The following SORL1 variants were observed in gnomAD, a reference collection of about 807,000 sequenced individuals.
SORL1 encodes sortilin related receptor 1.
SORL1 carries 127 observed loss-of-function variants against 273.7 expected under a neutral mutation model. That is an observed-to-expected ratio of 0.46 (90% CI 0.40 to 0.54). The LOEUF is 0.54. SORL1 is among the 20% of genes least tolerant of loss of function. SORL1 has a pLI of 0.00. For missense variants in SORL1, 2,494 were observed against 2,846.1 expected (o/e 0.88, Z 2.81); for synonymous variants, 1,031 against 1,067.4 (o/e 0.97, Z 0.66).
chr11:121,588,285 G>C (rs1329227106), intron 28 of SORL1, 134 bp downstream of exon 28: 3 of 872,474 alleles, frequency 3.4e-6, no homozygotes, highest in Non-Finnish European at 5.4e-6. Context: ...GACCACCCTG[G>C]AGTTGCACCT....
At chr11:121,542,352 A>G (rs1237002695) in intron 12 of SORL1, among the ~76,000 whole-genome samples, 1 of 152,184 alleles carries the variant, frequency 6.6e-6, no homozygotes, top group Non-Finnish European at 1.5e-5. Flanking sequence ...GGATTTACAC[A>G]TTGCAAATTT....
chr11:121,629,617 T>TA lies in SORL1; in HGVS notation c.*55dup. On this transcript the variant is annotated 3_prime_UTR_variant, in exon 48 of 48. Coordinates refer to ENST00000260197, the MANE Select transcript of SORL1 (RefSeq NM_003105.6). ...GTGTAAATATTTTATTTGATAAAGA[T>TA]AGTTGATGGTTTATTTTAAAAGATG... The TA allele has an allele frequency of 1.1e-6, 1 of 875,296 alleles. No homozygotes were observed. The highest frequency in any genetic ancestry group is 2.4e-5 in the East Asian group (1 of 41,200). The allele number at this position is 875,296 out of a possible 1,614,324, so 54.2% of individuals were successfully genotyped here.
chr11:121,499,921 C>G (rs1053248833), intron 6 of SORL1, among the ~76,000 whole-genome samples: 2 of 152,194 alleles, frequency 1.3e-5, no homozygotes, highest in Non-Finnish European at 2.9e-5. Context: ...GATTACAGTC[C>G]TTTGCAAGCT....
intron 6 of SORL1, among the ~76,000 whole-genome samples, chr11:121,505,404 ATTGT>A (rs1861773305): frequency 6.6e-6 from 1 of 151,776 alleles, no homozygotes; most frequent in South Asian, 2.1e-4. Context: ...GAATCAATAT[ATTGT>A]TTGAGTAATT....
intron 41 of SORL1, among the ~76,000 whole-genome samples, chr11:121,617,833 C>G (rs1277300375): frequency 6.6e-6 from 1 of 152,196 alleles, no homozygotes; most frequent in African/African-American, 2.4e-5. Flanking sequence ...TAGGACTAAG[C>G]AGGGATGCAT....
intron 16 of SORL1, among the ~76,000 whole-genome samples, chr11:121,553,521 T>C (rs1467526377): frequency 1.3e-5 from 2 of 152,194 alleles, no homozygotes; most frequent in Admixed American, 6.5e-5. Context: ...CTTCAGTGAC[T>C]AATGGTCTCT....
rs1469458613 is a variant in SORL1 at position 121,619,616 on chromosome 11, A to G, written c.5725-137A>G. The G allele has an allele frequency of 1.9e-5, 14 of 754,788 alleles. No homozygotes were observed. The East Asian group carries it at 3.6e-4, about 19-fold the overall frequency. 46.8% of individuals were successfully genotyped at this position (754,788 alleles called of 1,614,324 possible). ...TGGAAAATGATTTGGGGTAGGTGGG[A>G]AATTATTTTATATTTTATGGTTTTT... On this transcript the variant is annotated intron_variant, in intron 42 of 47. Transcript: ENST00000260197.
chr11:121,557,169 A>T (rs2134906825), intron 18 of SORL1, 145 bp from the exon 19 acceptor site: 1 of 677,368 alleles, frequency 1.5e-6, no homozygotes, highest in Non-Finnish European at 2.7e-6. Context: ...AAGTTGGGGC[A>T]GGTTTCGCAG....
At chr11:121,511,488 A>G (rs1283606633) in intron 6 of SORL1, among the ~76,000 whole-genome samples, 1 of 152,224 alleles carries the variant, frequency 6.6e-6, no homozygotes, top group Admixed American at 6.5e-5. Flanking sequence ...TATCAACTTA[A>G]TGAAGGCTTT....
In SORL1 at chr11:121,525,100, G is replaced by A. The variant is rs1388858297; in HGVS notation, c.1596+2111G>A. Among the ~76,000 whole-genome samples, 6 of 152,142 alleles carry A rather than the reference G, an allele frequency of 3.9e-5. No individual in the cohort carries two copies. In the East Asian group the frequency reaches 1.2e-3, roughly 29 times the overall value. The stretch of plus-strand genomic sequence containing the variant: ...ATCACCCTCCCCGAGGTATCTTTGT[G>A]CCCCTCGGTAATCCATCCCACTCTC... On this transcript the variant is annotated intron_variant, in intron 11 of 47. Transcript: ENST00000260197.
chr11:121,620,179 C>A (rs1420097766), intron 43 of SORL1, among the ~76,000 whole-genome samples: 1 of 152,226 alleles, frequency 6.6e-6, no homozygotes. Flanking sequence ...CTTCCCTGAC[C>A]CTCTCACACA....
intron 3 of SORL1, among the ~76,000 whole-genome samples, chr11:121,486,596 C>T (rs1465175236): frequency 6.6e-6 from 1 of 151,804 alleles, no homozygotes; most frequent in East Asian, 1.9e-4. Flanking sequence ...TCTCCTGCCT[C>T]AGCCTCCCGA....
intron 47 of SORL1, among the ~76,000 whole-genome samples, chr11:121,628,627 G>A (rs1393914): frequency 0.55 from 83,526 of 151,984 alleles, 24,598 homozygotes; most frequent in East Asian, 0.77. Context: ...AAAGTAAGAA[G>A]TTTCCCGTTT....
intron 26 of SORL1, among the ~76,000 whole-genome samples, chr11:121,585,681 A>G (rs1674155023): frequency 1.3e-5 from 2 of 152,186 alleles, no homozygotes; most frequent in African/African-American, 2.4e-5. Context: ...ATTTTTGTGC[A>G]TATATAAACA....
At chr11:121,497,178 G>A in intron 6 of SORL1, 129 bp downstream of exon 6, 1 of 782,374 alleles carries the variant, frequency 1.3e-6, no homozygotes, top group Non-Finnish European at 2.0e-6. Context: ...ATTGACTGAA[G>A]GGATCTCAAC....
chr11:121,567,242 C>A lies in SORL1; in HGVS notation c.3223+129C>A, dbSNP rs1438352833. The A allele has an allele frequency of 5.1e-6, 4 of 787,742 alleles. No homozygotes were observed. The South Asian group carries it at 7.2e-5, about 14-fold the overall frequency. 48.8% of individuals were successfully genotyped at this position (787,742 alleles called of 1,614,324 possible). On this transcript the variant is annotated intron_variant, in intron 22 of 47. Coordinates refer to ENST00000260197, the MANE Select transcript of SORL1 (RefSeq NM_003105.6). ...ATTGGAAAAAGTCCAAGGTAAAAAT[C>A]AAACCTACCAGATACTCATAAGAAT...
intron 38 of SORL1, 105 bp from the exon 39 acceptor site, chr11:121,610,971 C>G: frequency 1.3e-6 from 1 of 752,062 alleles, no homozygotes; most frequent in South Asian, 1.6e-5. Flanking sequence ...CCCTTTCTTC[C>G]CCGACTGAAA....
intron 1 of SORL1, among the ~76,000 whole-genome samples, chr11:121,467,030 C>CTTTTTTTTTT (rs58596501): frequency 1.5e-4 from 19 of 125,278 alleles, no homozygotes; most frequent in African/African-American, 3.4e-4. Context: ...TTCTTTTTTT[C>CTTTTTTTTTT]TTTTTTTTTT....
chr11:121,561,998 G>A (rs997586654), intron 21 of SORL1, among the ~76,000 whole-genome samples: 4 of 152,040 alleles, frequency 2.6e-5, no homozygotes, highest in Non-Finnish European at 2.9e-5. Context: ...TGAGCACTCC[G>A]CACCTCTTGG....
Sources: gnomAD v4.1 joint callset for allele counts (sites outside exome capture counted in the v4.1 genomes callset) on GRCh38, gnomAD v4.1.1 for gene constraint, MANE v1.5 for transcripts, NCBI Gene and HGNC (gene_info 2026-07-23, HGNC 2026-07-21) for gene names.